TMEM171: variants seen among roughly 807,000 people sequenced by gnomAD.
TMEM171 encodes proline-rich protein PRP2.
A neutral mutation model predicts 19.1 loss-of-function variants in TMEM171; 16 were observed. The ratio of observed to expected loss-of-function variants is 0.84; its 90% CI spans 0.57 to 1.27. The LOEUF is 1.27. TMEM171 is among the 50% of genes most tolerant of loss of function. The pLI is 0.00. For synonymous variants in TMEM171, 153 were observed against 163.4 expected, an observed-to-expected ratio of 0.94 and a Z score of 0.48; for missense variants, 429 against 412.7, an observed-to-expected ratio of 1.04 and a Z score of -0.34.
chr5:73,123,387 C>A lies in TMEM171; in HGVS notation c.14C>A (p.Ala5Asp). 6.2e-7 allele frequency: 1 copy of A among 1,612,530 alleles called. No homozygotes were observed. The highest frequency in any genetic ancestry group is 8.5e-7 in the Non-Finnish European group (1 of 1,178,776). Residue 5 changes from alanine (A) to aspartate (D), a missense_variant, in exon 2 of 4, where the codon GCT becomes GAT. Coordinates refer to ENST00000454765, the MANE Select transcript of TMEM171 (RefSeq NM_173490.8). MSPA[A>D]AAEPDGDQQD... ...CCTCTCCTGGACATGTCTCCTGCAG[C>A]TGCTGCTGAGCCAGATGGGGACCAG...
intron 1 of TMEM171, among the ~76,000 whole-genome samples, chr5:73,121,348 G>C (rs1229451298): frequency 6.6e-6 from 1 of 152,128 alleles, no homozygotes; most frequent in African/African-American, 2.4e-5. Context: ...TCTCTTTCTT[G>C]TCTCCGAAAC....
chr5:73,123,450 T>G lies in TMEM171; in HGVS notation c.77T>G (p.Phe26Cys). 1 of 1,614,144 alleles carries G rather than the reference T, an allele frequency of 6.2e-7. No individual in the cohort carries two copies. Among genetic ancestry groups the G allele is most frequent in the Non-Finnish European group, 8.5e-7 (1 of 1,180,008 alleles). The change falls in exon 2 of 4, where the codon TTT (phenylalanine) becomes TGT (cysteine). Residue 26 changes from phenylalanine to cysteine, a missense_variant. Phe to Cys is a radical substitution (Grantham distance 205). Coordinates refer to ENST00000454765, the MANE Select transcript of TMEM171 (RefSeq NM_173490.8). ...GTCAGCAAACTCATCTTCTGCTTCTTTGTCTTCGGCGCCGTCTTGTTGTGT... is the reference window on the plus strand; with the variant it reads ...GTCAGCAAACTCATCTTCTGCTTCTGTGTCTTCGGCGCCGTCTTGTTGTGT... The part of the protein sequence containing the change: ...RHVSKLIFCF[F>C]VFGAVLLCVG...
chr5:73,128,309 A>C, intron 2 of TMEM171, 81 bp from the exon 3 acceptor site: 2 of 1,546,600 alleles, frequency 1.3e-6, no homozygotes, highest in Non-Finnish European at 1.8e-6. Context: ...AGATGGGCCA[A>C]ATATATAATT....
intron 1 of TMEM171, 86 bp from the exon 2 acceptor site, chr5:73,123,220 G>A: frequency 1.6e-6 from 2 of 1,227,532 alleles, no homozygotes; most frequent in Non-Finnish European, 2.2e-6. Context: ...TCATTGTGGT[G>A]TGATTTCAGA....
chr5:73,125,852 T>C (rs1213278042), intron 2 of TMEM171, among the ~76,000 whole-genome samples: 2 of 152,234 alleles, frequency 1.3e-5, no homozygotes, highest in Non-Finnish European at 2.9e-5. Context: ...TATGAAAATC[T>C]TGCATCCTAA....
chr5:73,127,369 TAAAAAA>T (rs150651292), intron 2 of TMEM171, among the ~76,000 whole-genome samples: 7 of 97,202 alleles, frequency 7.2e-5, no homozygotes, highest in African/African-American at 3.6e-4. Context: ...AAATTTGTGG[TAAAAAA>T]AAAAAAAAAA....
At chr5:73,124,848 A>T (rs1257363129) in intron 2 of TMEM171, among the ~76,000 whole-genome samples, 2 of 152,228 alleles carry the variant, frequency 1.3e-5, no homozygotes, top group African/African-American at 4.8e-5. Flanking sequence ...ACAACCAAGG[A>T]AAAACCCCAT....
At chr5:73,131,487 G>T (rs1253741257) in intron 3 of TMEM171, 51 bp from the exon 4 acceptor site, 1 of 1,432,980 alleles carries the variant, frequency 7.0e-7, no homozygotes, top group South Asian at 1.5e-5. Flanking sequence ...TACTAAAGGG[G>T]TGTCACTGTT....
intron 3 of TMEM171, 85 bp from the exon 4 acceptor site, chr5:73,131,453 A>G: frequency 9.0e-7 from 1 of 1,105,488 alleles, no homozygotes; most frequent in Non-Finnish European, 1.3e-6. Context: ...AGTGCATGTA[A>G]TCAAACATTT....
rs34728034 is a variant in TMEM171, at chr5:73,128,442, T to G, written c.693T>G (p.Ser231=). The stretch of plus-strand genomic sequence containing the variant: ...CTCCACCACCTTACTTTCCTGAATC[T>G]TCAGCTTCTGCGGTCGCTGAGAGTC... ...PPPPPPYFPE[S]SASAVAESPG... is the part of the protein sequence containing the mutation. The change falls in exon 3 of 4, where the codon TCT becomes TCG. Residue 231 remains serine (S), a synonymous_variant. Coordinates refer to ENST00000454765, the MANE Select transcript of TMEM171 (RefSeq NM_173490.8). 2.9e-3 allele frequency: 4,644 copies of G among 1,614,178 alleles called. 112 individuals carry two copies. The African/African-American group carries it at 0.052, about 18-fold the overall frequency.
At position 73,120,708 on chromosome 5, in the gene TMEM171, C is replaced by A; in HGVS notation, c.-69+12C>A. The A allele has an allele frequency of 9.1e-6, 9 of 983,720 alleles. No individual in the cohort carries two copies. Among genetic ancestry groups the A allele is most frequent in the Non-Finnish European group, 1.1e-5 (9 of 829,356 alleles). The allele number at this position is 983,720 out of a possible 1,614,324, so 60.9% of individuals were successfully genotyped here. A position where few individuals can be genotyped will look rare whatever the true frequency, so the allele number is the denominator to read the frequency against. On this transcript the variant is annotated intron_variant, in intron 1 of 3. Transcript: ENST00000454765. ...GGACCCAGCTTCAGGTAAGCTGCCCCGGCCCGCGCGCCTGCGCCGGCGGCG... is the reference window on the plus strand; with the variant it reads ...GGACCCAGCTTCAGGTAAGCTGCCCAGGCCCGCGCGCCTGCGCCGGCGGCG...
chr5:73,126,095 G>T (rs1224818053), intron 2 of TMEM171, among the ~76,000 whole-genome samples: 1 of 152,234 alleles, frequency 6.6e-6, no homozygotes, highest in African/African-American at 2.4e-5. Context: ...AGGTTGCAGG[G>T]TGTGGGCAGG....
intron 1 of TMEM171, among the ~76,000 whole-genome samples, chr5:73,122,200 GT>G: frequency 6.6e-6 from 1 of 152,150 alleles, no homozygotes; most frequent in East Asian, 1.9e-4. Flanking sequence ...TTGGCTGCTT[GT>G]TTTTTAACTG....
chr5:73,124,122 T>C, intron 2 of TMEM171, 109 bp downstream of exon 2: 1 of 986,384 alleles, frequency 1.0e-6, no homozygotes, highest in Non-Finnish European at 1.5e-6. Context: ...TTCTTCCATC[T>C]CTCACACATG....
At chr5:73,128,947 G>C (rs1337203059) in intron 3 of TMEM171, among the ~76,000 whole-genome samples, 2 of 152,146 alleles carry the variant, frequency 1.3e-5, no homozygotes, top group Non-Finnish European at 2.9e-5. Context: ...AGAAGAATTA[G>C]CTGGGGATGG....
intron 1 of TMEM171, among the ~76,000 whole-genome samples, 183 bp downstream of exon 1, chr5:73,120,879 A>C (rs1743990448): frequency 6.6e-6 from 1 of 152,168 alleles, no homozygotes; most frequent in African/African-American, 2.4e-5. Flanking sequence ...CCGCAAACCG[A>C]TTTCGCACAG....
rs1413755229 is a variant in TMEM171, at chr5:73,123,835, G to A, written c.462G>A (p.Glu154=). ...PLNETDTGDS[E]PRMCGFLSLQ... ...ACGAGACAGACACTGGCGACTCAGA[G>A]CCCCGGATGTGTGGGTTCCTTTCTC... The change falls in exon 2 of 4, where the codon GAG becomes GAA. Residue 154 remains glutamate, a synonymous_variant. Transcript: ENST00000454765. 1.4e-5 allele frequency: 22 copies of A among 1,613,212 alleles called. No individual in the cohort carries two copies. The highest frequency in any genetic ancestry group is 1.9e-5 in the Non-Finnish European group (22 of 1,179,616).
chr5:73,128,346 A>G (rs1744235790), intron 2 of TMEM171, 44 bp from the exon 3 acceptor site: 2 of 1,593,022 alleles, frequency 1.3e-6, no homozygotes, highest in South Asian at 2.2e-5. Context: ...ATTTGCTTCC[A>G]TTTATTACCC....
At chr5:73,129,520 G>A (rs1744275659) in intron 3 of TMEM171, among the ~76,000 whole-genome samples, 1 of 152,164 alleles carries the variant, frequency 6.6e-6, no homozygotes, top group South Asian at 2.1e-4. Flanking sequence ...TTAGTTCTAG[G>A]AAGTCAGCGT....
Sources: gnomAD v4.1 joint callset for allele counts (sites outside exome capture counted in the v4.1 genomes callset) on GRCh38, gnomAD v4.1.1 for gene constraint, MANE v1.5 for transcripts, NCBI Gene and HGNC (gene_info 2026-07-23, HGNC 2026-07-21) for gene names.